The following CNTNAP2 variants were observed in gnomAD, a reference collection of about 807,000 sequenced individuals.
The protein encoded by CNTNAP2 is contactin associated protein 2, also known as contactin-associated protein-like 2.
A neutral mutation model predicts 155.2 loss-of-function variants in CNTNAP2; 98 were observed. That is an observed-to-expected ratio of 0.63 (90% CI 0.54 to 0.75). CNTNAP2 has a LOEUF of 0.75. Among genes scored for constraint, CNTNAP2 ranks in the 30% least tolerant of loss-of-function variants. The pLI is 0.00. For synonymous variants in CNTNAP2, 651 were observed against 631.2 expected (o/e 1.03, Z -0.47); for missense variants, 1,727 against 1,688.1 (o/e 1.02, Z -0.40).
chr7:147,712,054 T>A (rs1389661133), intron 13 of CNTNAP2, among the ~76,000 whole-genome samples: 5 of 152,278 alleles, frequency 3.3e-5, no homozygotes, highest in African/African-American at 1.2e-4. Context: ...ACAAATGCTA[T>A]CCTTCAGGTA....
intron 9 of CNTNAP2, among the ~76,000 whole-genome samples, chr7:147,310,476 A>T: frequency 6.6e-6 from 1 of 152,300 alleles, no homozygotes; most frequent in African/African-American, 2.4e-5. Flanking sequence ...AGTAAATTAA[A>T]TATTATTTTG....
chr7:146,350,482 C>G (rs1236614296), intron 1 of CNTNAP2, among the ~76,000 whole-genome samples: 1 of 151,996 alleles, frequency 6.6e-6, no homozygotes, highest in Non-Finnish European at 1.5e-5. Flanking sequence ...CAATGAGATA[C>G]CATCTCACAC....
intron 3 of CNTNAP2, among the ~76,000 whole-genome samples, chr7:147,021,243 T>C (rs1414988777): frequency 7.2e-6 from 1 of 138,472 alleles, no homozygotes; most frequent in Admixed American, 7.0e-5. Context: ...TGTGTGTATT[T>C]TATGTATGGC....
intron 9 of CNTNAP2, among the ~76,000 whole-genome samples, chr7:147,360,238 C>T (rs1354295613): frequency 2.0e-5 from 3 of 152,104 alleles, no homozygotes; most frequent in African/African-American, 7.2e-5. Context: ...AGCTTTCATC[C>T]TGTGTCTTCA....
At chr7:147,563,314 A>G (rs1204397684) in intron 12 of CNTNAP2, among the ~76,000 whole-genome samples, 2 of 152,188 alleles carry the variant, frequency 1.3e-5, no homozygotes, top group African/African-American at 2.4e-5. Flanking sequence ...GAAAAAATTT[A>G]AAGGCTTTAG....
intron 21 of CNTNAP2, among the ~76,000 whole-genome samples, chr7:148,336,613 C>A (rs73745584): frequency 1.3e-5 from 2 of 151,238 alleles, no homozygotes; most frequent in Non-Finnish European, 1.5e-5. Flanking sequence ...TAACAACTGG[C>A]GGAGCCAAGA....
At chr7:146,413,854 A>G (rs1795900589) in intron 1 of CNTNAP2, among the ~76,000 whole-genome samples, 1 of 152,100 alleles carries the variant, frequency 6.6e-6, no homozygotes, top group African/African-American at 2.4e-5. Context: ...TTCTTTTTTA[A>G]AAGTTGAGCT....
At chr7:147,651,175 G>T (rs1351132476) in intron 13 of CNTNAP2, among the ~76,000 whole-genome samples, 1 of 152,154 alleles carries the variant, frequency 6.6e-6, no homozygotes. Context: ...AGCGGGGCCT[G>T]GCAAGGCAAG....
At chr7:146,414,747 TGGTATG>T (rs973173247) in intron 1 of CNTNAP2, among the ~76,000 whole-genome samples, 4 of 152,150 alleles carry the variant, frequency 2.6e-5, no homozygotes, top group African/African-American at 9.7e-5. Flanking sequence ...TGCTTATGCC[TGGTATG>T]CACCCATGAT....
intron 4 of CNTNAP2, among the ~76,000 whole-genome samples, chr7:147,048,287 G>A (rs2129257523): frequency 6.6e-6 from 1 of 152,130 alleles, no homozygotes; most frequent in African/African-American, 2.4e-5. Flanking sequence ...GGGAAAGAAG[G>A]AGAGAATGTG....
At chr7:148,252,931 G>C (rs1563012488) in intron 20 of CNTNAP2, among the ~76,000 whole-genome samples, 6 of 151,968 alleles carry the variant, frequency 3.9e-5, no homozygotes, top group African/African-American at 9.7e-5. Flanking sequence ...CCCCTTTAAA[G>C]GAGTTGTGGT....
rs565904083 is a variant in CNTNAP2, at chr7:146,350,328, A to G, written c.97+233355A>G. 5.8e-3 allele frequency among the ~76,000 whole-genome samples: 877 copies of G among 152,284 alleles called. 12 individuals carry two copies. The highest frequency in any genetic ancestry group is 0.02 in the African/African-American group (838 of 41,536). On this transcript the variant is annotated intron_variant, in intron 1 of 23. Transcript: ENST00000361727. The stretch of plus-strand genomic sequence containing the variant: ...ATCTACAATGAACTCAAACAAATTT[A>G]CAAGAAAAAAACAAACAACCCCATC...
At chr7:146,980,267 G>A (rs1797988689) in intron 3 of CNTNAP2, among the ~76,000 whole-genome samples, 1 of 152,100 alleles carries the variant, frequency 6.6e-6, no homozygotes, top group Non-Finnish European at 1.5e-5. Context: ...TCAGAAGGGG[G>A]CAAGTGATCA....
intron 13 of CNTNAP2, among the ~76,000 whole-genome samples, chr7:147,702,902 C>T (rs945424798): frequency 2.0e-5 from 3 of 152,130 alleles, no homozygotes; most frequent in Non-Finnish European, 4.4e-5. Flanking sequence ...GTAGTTAGTC[C>T]TGCTTGTAGC....
At chr7:147,481,257 G>T (rs1563221274) in intron 10 of CNTNAP2, among the ~76,000 whole-genome samples, 1 of 152,162 alleles carries the variant, frequency 6.6e-6, no homozygotes, top group Non-Finnish European at 1.5e-5. Context: ...ACATTTTTTA[G>T]ATTTGAAATA....
chr7:146,304,731 A>T (rs1800677633), intron 1 of CNTNAP2, among the ~76,000 whole-genome samples: 2 of 152,034 alleles, frequency 1.3e-5, no homozygotes, highest in African/African-American at 4.8e-5. Flanking sequence ...ACTTTGGTGA[A>T]TCTGACAATT....
intron 1 of CNTNAP2, among the ~76,000 whole-genome samples, chr7:146,628,082 T>C (rs1012266330): frequency 3.3e-5 from 5 of 152,206 alleles, no homozygotes; most frequent in Non-Finnish European, 5.9e-5. Context: ...AAATCTATGA[T>C]ATCCATACTT....
intron 21 of CNTNAP2, among the ~76,000 whole-genome samples, chr7:148,320,806 G>T (rs573876947): frequency 1.3e-5 from 2 of 152,190 alleles, no homozygotes; most frequent in South Asian, 4.1e-4. Flanking sequence ...TAAGAAAGAT[G>T]AAAAAAATTA....
chr7:147,302,227 G>T (rs972657378), intron 9 of CNTNAP2, among the ~76,000 whole-genome samples: 8 of 152,194 alleles, frequency 5.3e-5, no homozygotes, highest in African/African-American at 1.9e-4. Context: ...CAGTGGGAAA[G>T]CTACTGATAA....
Sources: allele counts gnomAD v4.1 joint callset (sites outside exome capture counted in the v4.1 genomes callset), GRCh38; gene constraint gnomAD v4.1.1; transcripts MANE v1.5; gene names NCBI Gene and HGNC (gene_info 2026-07-23, HGNC 2026-07-21).